The following THSD7B variants were observed in gnomAD, a reference collection of about 807,000 sequenced individuals.
THSD7B encodes the protein thrombospondin type-1 domain-containing protein 7B.
In THSD7B, 138 loss-of-function variants were observed where a neutral mutation model predicts 213.6. The ratio of observed to expected loss-of-function variants is 0.65; its 90% confidence interval spans 0.56 to 0.74. THSD7B has a LOEUF of 0.74. Ranked by LOEUF, THSD7B falls within the 30% of genes least tolerant of loss-of-function variation. The probability of loss-of-function intolerance (pLI) is 0.00; values close to 1 mark genes in which losing one functional copy is unlikely to be tolerated. For missense variants in THSD7B, 1,931 were observed against 1,991.5 expected (o/e 0.97, Z 0.58); for synonymous variants, 742 against 687.0 (o/e 1.08, Z -1.25).
In THSD7B at chr2:137,648,608, T is replaced by A. The variant is rs540465925; in HGVS notation, c.3945+5975T>A. Among the ~76,000 whole-genome samples the A allele has an allele frequency of 1.3e-3, 200 of 152,304 alleles. 1 individual carries two copies. Among genetic ancestry groups the A allele is most frequent in the Non-Finnish European group, 1.2e-3 (82 of 68,030 alleles). On this transcript the variant is annotated intron_variant, in intron 21 of 27. Coordinates refer to ENST00000409968, the MANE Select transcript of THSD7B (RefSeq NM_001316349.2). ...CCATTTGTATACATTATACCACGTG[T>A]TCTTTATCCATTCATCCATTGATGT...
chr2:137,546,514 A>G (rs1247837257), intron 15 of THSD7B, among the ~76,000 whole-genome samples: 9 of 104,528 alleles, frequency 8.6e-5, no homozygotes, highest in Non-Finnish European at 1.3e-4. Flanking sequence ...CCTATTGAGC[A>G]CAGAGGATAA....
chr2:136,945,059 C>T (rs79281523), intron 2 of THSD7B, among the ~76,000 whole-genome samples: 11,267 of 152,180 alleles, frequency 0.074, 676 homozygotes, highest in African/African-American at 0.16. Flanking sequence ...GTGCCTCCTT[C>T]AGGAGCTCTT....
At chr2:137,593,986 C>T (rs573034467) in intron 17 of THSD7B, among the ~76,000 whole-genome samples, 85 of 151,848 alleles carry the variant, frequency 5.6e-4, no homozygotes, top group African/African-American at 1.9e-3. Context: ...TGAGTCCTTT[C>T]GAAGGTGGAT....
At chr2:137,326,401 A>C (rs527725169) in intron 12 of THSD7B, among the ~76,000 whole-genome samples, 8 of 152,330 alleles carry the variant, frequency 5.3e-5, no homozygotes, top group East Asian at 3.9e-4. Context: ...GTTACCACAA[A>C]AGTTCTTAAG....
At chr2:136,873,332 C>T (rs922374247) in intron 1 of THSD7B, among the ~76,000 whole-genome samples, 4 of 152,104 alleles carry the variant, frequency 2.6e-5, no homozygotes, top group East Asian at 1.9e-4. Flanking sequence ...CATTTCACAC[C>T]GTTTAGGATT....
At chr2:137,076,137 G>C (rs1286651777) in intron 3 of THSD7B, among the ~76,000 whole-genome samples, 1 of 152,202 alleles carries the variant, frequency 6.6e-6, no homozygotes, top group South Asian at 2.1e-4. Flanking sequence ...ATTTAAGTCT[G>C]CAGAGGTTAC....
chr2:137,408,306 C>T (rs1030416197), intron 13 of THSD7B, among the ~76,000 whole-genome samples: 1 of 152,084 alleles, frequency 6.6e-6, no homozygotes, highest in African/African-American at 2.4e-5. Flanking sequence ...CTCTCTTTCT[C>T]TTTTTTCTCC....
chr2:137,597,436 G>A (rs78770501), intron 17 of THSD7B, among the ~76,000 whole-genome samples: 3,956 of 150,360 alleles, frequency 0.026, 126 homozygotes, highest in African/African-American at 0.079. Context: ...CGGTCCAATG[G>A]GCAAAAGAAA....
chr2:137,460,207 C>T (rs1307627810), intron 15 of THSD7B, among the ~76,000 whole-genome samples: 1 of 152,154 alleles, frequency 6.6e-6, no homozygotes, highest in African/African-American at 2.4e-5. Flanking sequence ...TCAATCAGTT[C>T]TCTTTCCAAA....
chr2:137,562,246 G>T (rs963357558), intron 15 of THSD7B, among the ~76,000 whole-genome samples: 2 of 152,142 alleles, frequency 1.3e-5, no homozygotes, highest in African/African-American at 4.8e-5. Flanking sequence ...AAAAGGAAAA[G>T]CATGAATTAA....
chr2:137,058,269 T>C (rs184453691), intron 3 of THSD7B, among the ~76,000 whole-genome samples: 13 of 152,324 alleles, frequency 8.5e-5, no homozygotes, highest in African/African-American at 2.9e-4. Context: ...TGAAGAGTGA[T>C]TTGCAGCTTT....
At chr2:137,256,507 T>C (rs957908180) in intron 10 of THSD7B, among the ~76,000 whole-genome samples, 3 of 152,276 alleles carry the variant, frequency 2.0e-5, no homozygotes, top group African/African-American at 7.2e-5. Flanking sequence ...GAAAGTACTT[T>C]GTAACTGAAT....
chr2:136,888,671 T>C (rs906290366), intron 2 of THSD7B, among the ~76,000 whole-genome samples: 2 of 152,094 alleles, frequency 1.3e-5, no homozygotes, highest in African/African-American at 4.8e-5. Context: ...CACTAAAAAT[T>C]CTAATTTTTT....
intron 2 of THSD7B, among the ~76,000 whole-genome samples, chr2:137,055,881 G>C (rs1412364775): frequency 6.6e-6 from 1 of 152,136 alleles, no homozygotes; most frequent in Non-Finnish European, 1.5e-5. Flanking sequence ...GGATACTTTG[G>C]CAACTTAGGG....
chr2:136,968,427 A>G (rs1038630597), intron 2 of THSD7B, among the ~76,000 whole-genome samples: 1 of 152,014 alleles, frequency 6.6e-6, no homozygotes, highest in Non-Finnish European at 1.5e-5. Context: ...TTGAATGTCT[A>G]TTTAAGTCTT....
At chr2:137,521,585 G>A (rs945780325) in intron 15 of THSD7B, among the ~76,000 whole-genome samples, 2 of 152,096 alleles carry the variant, frequency 1.3e-5, no homozygotes, top group African/African-American at 4.8e-5. Context: ...GGCTTTACTG[G>A]TACAGGGGAA....
intron 1 of THSD7B, among the ~76,000 whole-genome samples, chr2:136,843,877 C>T (rs1011274218): frequency 2.6e-5 from 4 of 152,100 alleles, no homozygotes; most frequent in African/African-American, 9.7e-5. Flanking sequence ...ACACAGAATC[C>T]TTTGAACACT....
intron 24 of THSD7B, 37 bp downstream of exon 24, chr2:137,657,197 A>G (rs772031311): frequency 1.3e-6 from 2 of 1,591,128 alleles, no homozygotes; most frequent in East Asian, 2.2e-5. Context: ...CACTTCACAA[A>G]CACCCCTGAG....
At chr2:137,034,746 A>G (rs1573779435) in intron 2 of THSD7B, among the ~76,000 whole-genome samples, 1 of 152,286 alleles carries the variant, frequency 6.6e-6, no homozygotes, top group African/African-American at 2.4e-5. Context: ...AGCTTCAACC[A>G]TGTCCCTGCA....
Sources: allele counts gnomAD v4.1 joint callset (sites outside exome capture counted in the v4.1 genomes callset), GRCh38; gene constraint gnomAD v4.1.1; transcripts MANE v1.5; gene names NCBI Gene and HGNC (gene_info 2026-07-23, HGNC 2026-07-21).